GCN1: variants seen among roughly 807,000 people sequenced by gnomAD.
The protein encoded by GCN1 is stalled ribosome sensor GCN1.
In GCN1, 90 loss-of-function variants were observed where a neutral mutation model predicts 288.4. The observed-to-expected ratio is 0.31, with a 90% CI of 0.26 to 0.37. GCN1 has a LOEUF of 0.37. GCN1 is among the 10% of genes least tolerant of loss of function. The pLI is 1.00. For synonymous variants in GCN1, 1,386 were observed against 1,420.2 expected (o/e 0.98, Z 0.54); for missense variants, 2,586 against 3,419.9 (o/e 0.76, Z 6.08).
chr12:120,192,380 G>A (rs1354871973), intron 1 of GCN1, among the ~76,000 whole-genome samples: 1 of 152,156 alleles, frequency 6.6e-6, no homozygotes, highest in East Asian at 1.9e-4. Flanking sequence ...TTGCAAGTAT[G>A]AAAATGTTCT....
chr12:120,186,090 T>C (rs2139143269), intron 2 of GCN1, among the ~76,000 whole-genome samples: 1 of 151,988 alleles, frequency 6.6e-6, no homozygotes, highest in South Asian at 2.1e-4. Flanking sequence ...TCCCAGCACT[T>C]TGGGAGGCCA....
At chr12:120,143,633 A>T (rs189989327) in intron 42 of GCN1, among the ~76,000 whole-genome samples, 267 of 152,046 alleles carry the variant, frequency 1.8e-3, no homozygotes, top group Non-Finnish European at 2.9e-3. Context: ...CTATATTTTT[A>T]AATCAACCTC....
chr12:120,187,160 TAGG>T (rs1382558751), intron 2 of GCN1, among the ~76,000 whole-genome samples: 2 of 151,214 alleles, frequency 1.3e-5, no homozygotes, highest in Admixed American at 1.3e-4. Context: ...GTGGTAGAAA[TAGG>T]AAGTAAAAGT....
chr12:120,190,357 G>C lies in GCN1; in HGVS notation c.62C>G (p.Ala21Gly). ...LKRFAGKVTT[A>G]SVKERREILS... ...GATTTCTCTCCGTTCCTTTACACTG[G>C]CTGTTGTCACCTTCCCTGCAAAACG... The change falls in exon 2 of 58, where the codon GCC becomes GGC. Residue 21 changes from alanine to glycine, a missense_variant. Coordinates refer to ENST00000300648, the MANE Select transcript of GCN1 (RefSeq NM_006836.2). 6.2e-7 allele frequency: 1 copy of C among 1,610,854 alleles called. No homozygotes were observed.
In GCN1 at chr12:120,134,782, T is replaced by C; in HGVS notation, c.7009-56A>G. 3.5e-6 allele frequency: 5 copies of C among 1,431,636 alleles called. No individual in the cohort carries two copies. Among genetic ancestry groups the C allele is most frequent in the Non-Finnish European group, 4.9e-6 (5 of 1,018,096 alleles). 88.7% of individuals were successfully genotyped at this position (1,431,636 alleles called of 1,614,324 possible). On this transcript the variant is annotated intron_variant, in intron 51 of 57. Transcript: ENST00000300648. This position sits in a 1 kb window ranked among gnomAD's most constrained non-coding sequence, Gnocchi z 5.0. Reference sequence around the variant, plus strand: ...AGTTGTGGTAGACCCAAAGCCACAGTGTACCACAGGCATGAGAACAAATGA... The same window carrying C: ...AGTTGTGGTAGACCCAAAGCCACAGCGTACCACAGGCATGAGAACAAATGA...
Position 120,136,538 on chromosome 12 carries a change from C to T in GCN1, c.6972G>A (p.Ala2324=), listed in dbSNP as rs185701009. 1,053 of 1,614,188 alleles carry T rather than the reference C, an allele frequency of 6.5e-4. No individual in the cohort carries two copies. The highest frequency in any genetic ancestry group is 8.5e-4 in the Non-Finnish European group (1,006 of 1,180,022). The part of the protein sequence containing the change: ...LGDRFSWNVK[A]ALLETLSLLL... ...AGAGGCTGAGTGTCTCGAGCAGAGCCGCCTTCACATTCCAGCTGAACCTGT... is the reference window on the plus strand; with the variant it reads ...AGAGGCTGAGTGTCTCGAGCAGAGCTGCCTTCACATTCCAGCTGAACCTGT... Residue 2324 remains alanine, a synonymous_variant, in exon 51 of 58, where the codon GCG becomes GCA. Transcript: ENST00000300648.
chr12:120,180,741 C>T (rs1178022697), intron 5 of GCN1, among the ~76,000 whole-genome samples: 2 of 151,770 alleles, frequency 1.3e-5, no homozygotes, highest in African/African-American at 4.8e-5. Flanking sequence ...GTAATCCCAG[C>T]ACTTTGGGAG....
rs761072997 is a variant in GCN1 at position 120,160,159 on chromosome 12, G to A, written c.2533C>T (p.Arg845Trp). The A allele has an allele frequency of 1.9e-6, 3 of 1,612,064 alleles. No homozygotes were observed. Among genetic ancestry groups the A allele is most frequent in the Non-Finnish European group, 2.5e-6 (3 of 1,179,528 alleles). The stretch of plus-strand genomic sequence containing the variant: ...CCACTCACCTCCTGCAGCCGCCTCC[G>A]GACCTGCGCCTCCCTGTCTAGCTGG... The part of the protein sequence containing the change: ...QAQLDREAQV[R>W]RRLQELDGEL... The change falls in exon 23 of 58, where the codon CGG becomes TGG. Residue 845 changes from arginine (R) to tryptophan (W), a missense_variant. Arg to Trp is a moderately radical substitution (Grantham distance 101, BLOSUM62 -3). Around this residue, in one of 8 missense-constraint regions of GCN1, gnomAD observed 913 missense variants for 1,107.0 expected, o/e 0.82. Coordinates refer to ENST00000300648, the MANE Select transcript of GCN1 (RefSeq NM_006836.2).
rs1278184552 is a variant in GCN1, at chr12:120,127,621, C to T, written c.*228G>A. The T allele has an allele frequency of 3.9e-6, 2 of 511,526 alleles. No homozygotes were observed. The highest frequency in any genetic ancestry group is 3.5e-5 in the East Asian group (1 of 28,394). 31.7% of individuals were successfully genotyped at this position (511,526 alleles called of 1,614,324 possible). On this transcript the variant is annotated 3_prime_UTR_variant, in exon 58 of 58. Transcript: ENST00000300648. Reference sequence around the variant, plus strand: ...TCCTGGGCTGCCATTTGCTGAGGCGCATGCGTGTGCTTTTCCTTCTCTTCT... The same window carrying T: ...TCCTGGGCTGCCATTTGCTGAGGCGTATGCGTGTGCTTTTCCTTCTCTTCT...
rs763800538 is a variant in GCN1, at chr12:120,184,158, G to T, written c.271C>A (p.His91Asn). Residue 91 changes from histidine (H) to asparagine (N), a missense_variant, in exon 4 of 58, where the codon CAC (histidine) becomes AAC (asparagine). Transcript: ENST00000300648. The stretch of plus-strand genomic sequence containing the variant: ...CCTATACCAGAAGACTGCAGAGAGT[G>T]TAGAAGGTTCTTAGCAGTGGCTTCT... Reference protein sequence around the residue: ...QPEATAKNLLHSLQSSGIGSK... With the variant: ...QPEATAKNLLNSLQSSGIGSK... The T allele has an allele frequency of 2.5e-6, 4 of 1,613,870 alleles. No homozygotes were observed. The highest frequency in any genetic ancestry group is 3.4e-6 in the Non-Finnish European group (4 of 1,179,740).
Position 120,165,578 on chromosome 12 carries a change from C to T in GCN1, c.1613-857G>A, listed in dbSNP as rs2139120001. ...CGCCTCCCAGGTTCAACTAATTCTC[C>T]TGCCTCAGCCTCCTGAGTAGCTGGG... On this transcript the variant is annotated intron_variant, in intron 16 of 57. Transcript: ENST00000300648. Among the ~76,000 whole-genome samples, 3 of 152,314 alleles carry T rather than the reference C, an allele frequency of 2.0e-5. 1 individual carries two copies. The South Asian group carries it at 6.2e-4, about 32-fold the overall frequency.
chr12:120,131,414 G>A lies in GCN1; in HGVS notation c.7415-81C>T, dbSNP rs181986631. On this transcript the variant is annotated intron_variant, in intron 54 of 57. Coordinates refer to ENST00000300648, the MANE Select transcript of GCN1 (RefSeq NM_006836.2). ...CCCATGAGGCCCATGGGCCCACCCC[G>A]CTGGAGACCAGTGTGCTGACCCAGA... is the stretch of plus-strand genomic sequence containing the variant. 6,191 of 1,377,556 alleles carry A rather than the reference G, an allele frequency of 4.5e-3. 31 individuals carry two copies. Among genetic ancestry groups the A allele is most frequent in the Non-Finnish European group, 5.3e-3 (5,180 of 983,546 alleles). The allele number at this position is 1,377,556 out of a possible 1,614,324, so 85.3% of individuals were successfully genotyped here.
At position 120,158,756 on chromosome 12, in the gene GCN1, T is replaced by C. The variant is rs1877833667; in HGVS notation, c.2750-141A>G. 7.3e-6 allele frequency: 5 copies of C among 687,090 alleles called. No individual in the cohort carries two copies. Among genetic ancestry groups the C allele is most frequent in the Non-Finnish European group, 1.2e-5 (5 of 416,788 alleles). 42.6% of individuals were successfully genotyped at this position (687,090 alleles called of 1,614,324 possible). Reference sequence around the variant, plus strand: ...GGCTGGGCGCGGTGGCTGATGCCTGTAATCCCAGCACTTTGGGAGGCCGAG... The same window carrying C: ...GGCTGGGCGCGGTGGCTGATGCCTGCAATCCCAGCACTTTGGGAGGCCGAG... On this transcript the variant is annotated intron_variant, in intron 24 of 57. Transcript: ENST00000300648. The surrounding 1 kb of genome is among the most constrained non-coding windows in gnomAD (Gnocchi z 4.3).
Position 120,137,128 on chromosome 12 carries a change from G to C in GCN1, c.6777+78C>G, listed in dbSNP as rs1877031018. 4 of 1,023,380 alleles carry C rather than the reference G, an allele frequency of 3.9e-6. No homozygotes were observed. Among genetic ancestry groups the C allele is most frequent in the Admixed American group, 1.7e-5 (1 of 57,712 alleles). The allele number at this position is 1,023,380 out of a possible 1,614,324, so 63.4% of individuals were successfully genotyped here. On this transcript the variant is annotated intron_variant, in intron 50 of 57. Coordinates refer to ENST00000300648, the MANE Select transcript of GCN1 (RefSeq NM_006836.2). The surrounding 1 kb of genome is among the most constrained non-coding windows in gnomAD (Gnocchi z 5.2). Reference sequence around the variant, plus strand: ...TACTGCTCCAGCAGCCCCTACCGCAGACCTGGGACAGGGGTAAGGGCCAGA... The same window carrying C: ...TACTGCTCCAGCAGCCCCTACCGCACACCTGGGACAGGGGTAAGGGCCAGA...
rs780139749 is a variant in GCN1, at chr12:120,153,763, G to A, written c.3848C>T (p.Thr1283Met). 1.2e-5 allele frequency: 19 copies of A among 1,614,014 alleles called. No homozygotes were observed. The highest frequency in any genetic ancestry group is 1.4e-5 in the Non-Finnish European group (17 of 1,180,000). ...CCTTACCTTCCCATGAGTGTTGAGC[G>A]TTGCGAGGGCTGCATCCAACATGCA... Reference protein sequence around the residue: ...RKCMLDAALATLNTHGKENVN... With the variant: ...RKCMLDAALAMLNTHGKENVN... Residue 1283 changes from threonine (T) to methionine (M), a missense_variant, in exon 32 of 58, where the codon ACG (threonine) becomes ATG (methionine). Transcript: ENST00000300648. The surrounding 1 kb of genome is among the most constrained non-coding windows in gnomAD (Gnocchi z 4.4).
chr12:120,128,320 G>A (rs1876685370), intron 57 of GCN1, among the ~76,000 whole-genome samples: 1 of 151,768 alleles, frequency 6.6e-6, no homozygotes, highest in Non-Finnish European at 1.5e-5. Context: ...CGAGGCAGTG[G>A]GAGTTGCAGC....
rs977650457 is a variant in GCN1 at position 120,164,879 on chromosome 12, G to C, written c.1613-158C>G. Reference sequence around the variant, plus strand: ...AATTACAGCTTGTTTTTTTTTTTTTGCTTATGCACACATGTATTTTGGAAT... The same window carrying C: ...AATTACAGCTTGTTTTTTTTTTTTTCCTTATGCACACATGTATTTTGGAAT... On this transcript the variant is annotated intron_variant, in intron 16 of 57. Transcript: ENST00000300648. 2.5e-5 allele frequency among the ~76,000 whole-genome samples: 3 copies of C among 121,734 alleles called. No individual in the cohort carries two copies. In the Admixed American group the frequency reaches 2.5e-4, roughly 10 times the overall value. The allele number at this position is 121,734 out of a possible 152,430, so 79.9% of individuals were successfully genotyped here.
Position 120,128,574 on chromosome 12 carries a change from G to C in GCN1, c.7891-600C>G, listed in dbSNP as rs113221342. 2.3e-3 allele frequency among the ~76,000 whole-genome samples: 354 copies of C among 152,170 alleles called. 2 individuals carry two copies. The highest frequency in any genetic ancestry group is 8.2e-3 in the African/African-American group (341 of 41,524). ...TGGTCTCGAACTCCTGACCTCCGGT[G>C]ATCCGCCCACCTTGGCCTCCCAAAA... is the stretch of plus-strand genomic sequence containing the variant. On this transcript the variant is annotated intron_variant, in intron 57 of 57. Transcript: ENST00000300648.
chr12:120,133,123 G>A (rs1233447117), intron 53 of GCN1, among the ~76,000 whole-genome samples: 1 of 152,216 alleles, frequency 6.6e-6, no homozygotes, highest in Admixed American at 6.5e-5. Flanking sequence ...GCTGGCGCCT[G>A]GGGACCAGAA....
Sources: allele counts gnomAD v4.1 joint callset (sites outside exome capture counted in the v4.1 genomes callset), GRCh38; gene constraint gnomAD v4.1.1; regional missense constraint gnomAD v4.1.1; non-coding constraint Gnocchi (gnomAD v3.1); transcripts MANE v1.5; gene names NCBI Gene and HGNC (gene_info 2026-07-23, HGNC 2026-07-21).